Variants in NDST3 observed in about 807,000 individuals in gnomAD.
The protein encoded by NDST3 is N-deacetylase and N-sulfotransferase 3, also known as bifunctional heparan sulfate N-deacetylase/N-sulfotransferase 3.
In NDST3, 58 loss-of-function variants were observed where a neutral mutation model predicts 96.1. That is an observed-to-expected ratio of 0.60 (90% confidence interval 0.49 to 0.75). NDST3 has a LOEUF of 0.75. Among genes scored for constraint, NDST3 ranks in the 30% least tolerant of loss-of-function variants. The pLI is 0.00. For synonymous variants in NDST3, 333 were observed against 359.7 expected, an observed-to-expected ratio of 0.93 and a Z score of 0.84; for missense variants, 788 against 1,034.2, an observed-to-expected ratio of 0.76 and a Z score of 3.27.
intron 2 of NDST3, among the ~76,000 whole-genome samples, chr4:118,083,747 T>C (rs1363571102): frequency 6.6e-6 from 1 of 152,208 alleles, no homozygotes. Context: ...TCATAAAGAA[T>C]GCATTATTTT....
chr4:118,227,096 T>G, intron 8 of NDST3, 114 bp downstream of exon 8: 1 of 697,706 alleles, frequency 1.4e-6, no homozygotes, highest in Non-Finnish European at 2.5e-6. Flanking sequence ...ATGAATAACA[T>G]GTTTTTCTCT....
chr4:118,254,010 G>T lies in NDST3; in HGVS notation c.2502+409G>T, dbSNP rs181709137. Among the ~76,000 whole-genome samples, 369 of 152,260 alleles carry T rather than the reference G, an allele frequency of 2.4e-3. 3 individuals are homozygous for T. Among genetic ancestry groups the T allele is most frequent in the African/African-American group, 8.2e-3 (342 of 41,552 alleles). ...AATCTCAGCACTTTGGAAGGCCGACGTGGGTGGATCACTTGAGGTCAGGAG... is the reference window on the plus strand; with the variant it reads ...AATCTCAGCACTTTGGAAGGCCGACTTGGGTGGATCACTTGAGGTCAGGAG... On this transcript the variant is annotated intron_variant, in intron 13 of 13. Coordinates refer to ENST00000296499, the MANE Select transcript of NDST3 (RefSeq NM_004784.3).
At position 118,258,424 on chromosome 4, in the gene NDST3, C is replaced by T. The variant is rs1336274901; in HGVS notation, c.*2712C>T. On this transcript the variant is annotated 3_prime_UTR_variant, in exon 14 of 14. Coordinates refer to ENST00000296499, the MANE Select transcript of NDST3 (RefSeq NM_004784.3). ...TAAAACTAGCTTTGTATAGAATTCC[C>T]TTTTTCATTGTTTAAAATATGAAAC... is the stretch of plus-strand genomic sequence containing the variant. 1.3e-5 allele frequency: 2 copies of T among 152,126 alleles called. No homozygotes were observed. The highest frequency in any genetic ancestry group is 2.9e-5 in the Non-Finnish European group (2 of 68,012). 9.4% of individuals were successfully genotyped at this position (152,126 alleles called of 1,614,324 possible). A position where few individuals can be genotyped will look rare whatever the true frequency, so the allele number is the denominator to read the frequency against.
chr4:118,232,938 A>G, intron 8 of NDST3, 74 bp from the exon 9 acceptor site: 1 of 1,376,796 alleles, frequency 7.3e-7, no homozygotes, highest in Non-Finnish European at 1.0e-6. Context: ...ATATTTATTC[A>G]TGACTTTAAA....
chr4:118,053,957 T>C lies in NDST3; in HGVS notation c.47T>C (p.Ile16Thr), dbSNP rs751642050. Residue 16 changes from isoleucine to threonine, a missense_variant, in exon 2 of 14, where the codon ATT (isoleucine) becomes ACT (threonine). Physicochemically the swap from Ile to Thr is moderately conservative, Grantham distance 89. Around this residue, in one of 3 missense-constraint regions of NDST3, gnomAD observed 234 missense variants for 256.9 expected, o/e 0.91. Transcript: ENST00000296499. ...CACAGACACTTTCAAAGAACAGTCA[T>C]TCTGCTTGCCACTTTTTGTATGGTG... ...KLHRHFQRTV[I>T]LLATFCMVSI... The C allele has an allele frequency of 9.3e-6, 15 of 1,611,780 alleles. No individual in the cohort carries two copies. The Admixed American group carries it at 2.3e-4, about 25-fold the overall frequency.
At chr4:118,253,442 T>C (rs1001777107) in intron 12 of NDST3, 57 bp from the exon 13 acceptor site, 3 of 1,178,434 alleles carry the variant, frequency 2.5e-6, no homozygotes, top group East Asian at 2.3e-5. Flanking sequence ...CCATATCATA[T>C]AAATTGGTTG....
chr4:118,226,894 C>T lies in NDST3; in HGVS notation c.1731C>T (p.Cys577=), dbSNP rs780453299. The change falls in exon 8 of 14, where the codon TGC becomes TGT. Residue 577 remains cysteine (C), a synonymous_variant. Coordinates refer to ENST00000296499, the MANE Select transcript of NDST3 (RefSeq NM_004784.3). ...GTTCTTCTCCCATTTAGAATCCTTG[C>T]GATGACAAACGCCACAGAGACATTT... The part of the protein sequence containing the change: ...DQKDPLWQNP[C]DDKRHRDIWS... 37 of 1,609,184 alleles carry T rather than the reference C, an allele frequency of 2.3e-5. No individual in the cohort carries two copies. Among genetic ancestry groups the T allele is most frequent in the East Asian group, 1.3e-4 (6 of 44,824 alleles).
chr4:118,190,981 C>T lies in NDST3; in HGVS notation c.1540-33510C>T, dbSNP rs541848019. ...CACACAGACAGAAGCAGATTTTATA[C>T]CTTTCTTAAAGGATTCTCATTTGCC... On this transcript the variant is annotated intron_variant, in intron 6 of 13. Transcript: ENST00000296499. 3.9e-5 allele frequency among the ~76,000 whole-genome samples: 6 copies of T among 152,232 alleles called. No individual in the cohort carries two copies. In the South Asian group the frequency reaches 1.2e-3, roughly 32 times the overall value.
chr4:118,086,266 G>A (rs1015190297), intron 2 of NDST3, among the ~76,000 whole-genome samples: 3 of 152,062 alleles, frequency 2.0e-5, no homozygotes, highest in Non-Finnish European at 4.4e-5. Flanking sequence ...TTTATGAATC[G>A]TTTTGGAAAT....
intron 6 of NDST3, among the ~76,000 whole-genome samples, chr4:118,166,657 A>T (rs1233517736): frequency 1.3e-5 from 2 of 152,050 alleles, no homozygotes; most frequent in Non-Finnish European, 2.9e-5. Context: ...TCAAAAAAAT[A>T]GTGCAAACTA....
Position 118,160,566 on chromosome 4 carries a change from A to G in NDST3, c.1539+16882A>G, listed in dbSNP as rs188977757. 3.9e-5 allele frequency among the ~76,000 whole-genome samples: 6 copies of G among 152,348 alleles called. No homozygotes were observed. In the East Asian group the frequency reaches 1.2e-3, roughly 29 times the overall value. On this transcript the variant is annotated intron_variant, in intron 6 of 13. Coordinates refer to ENST00000296499, the MANE Select transcript of NDST3 (RefSeq NM_004784.3). ...CATGTGGCCAATAAGCATATTAAAA[A>G]AGCTCAGTATCACTGATCATTAGAA...
In NDST3 at chr4:118,138,043, C is replaced by A; in HGVS notation, c.1225-11C>A. Reference sequence around the variant, plus strand: ...CTTTACACGCTCCAATTAACATTTGCTTGGTCTTAGGAGCACGGCATTCCA... The same window carrying A: ...CTTTACACGCTCCAATTAACATTTGATTGGTCTTAGGAGCACGGCATTCCA... On this transcript the variant is annotated splice_polypyrimidine_tract_variant and intron_variant, in intron 4 of 13. Coordinates refer to ENST00000296499, the MANE Select transcript of NDST3 (RefSeq NM_004784.3). 6.4e-7 allele frequency: 1 copy of A among 1,567,548 alleles called. No individual in the cohort carries two copies. Among genetic ancestry groups the A allele is most frequent in the Non-Finnish European group, 8.6e-7 (1 of 1,159,106 alleles).
chr4:118,192,186 T>A (rs921876149), intron 6 of NDST3, among the ~76,000 whole-genome samples: 38 of 152,210 alleles, frequency 2.5e-4, no homozygotes, highest in African/African-American at 8.7e-4. Flanking sequence ...CGCTTATTAA[T>A]CCCTTGTCAG....
At chr4:118,071,361 G>A (rs958950828) in intron 2 of NDST3, among the ~76,000 whole-genome samples, 26 of 152,016 alleles carry the variant, frequency 1.7e-4, no homozygotes, top group African/African-American at 6.3e-4. Context: ...TCACCACTCA[G>A]GAAATAAGCA....
At chr4:118,120,359 C>G (rs769963069) in intron 4 of NDST3, among the ~76,000 whole-genome samples, 1 of 151,968 alleles carries the variant, frequency 6.6e-6, no homozygotes, top group African/African-American at 2.4e-5. Flanking sequence ...TGGGCAAGAG[C>G]CTTTACTGTG....
intron 6 of NDST3, among the ~76,000 whole-genome samples, chr4:118,162,548 T>C (rs1207656357): frequency 2.7e-4 from 41 of 151,766 alleles, no homozygotes; most frequent in African/African-American, 9.9e-4. Context: ...GCTAGCCATA[T>C]GTAGAAAGCT....
rs544859975 is a variant in NDST3, at chr4:118,209,646, T to C, written c.1540-14845T>C. Among the ~76,000 whole-genome samples, 3 of 152,290 alleles carry C rather than the reference T, an allele frequency of 2.0e-5. No homozygotes were observed. The East Asian group carries it at 5.8e-4, about 29-fold the overall frequency. On this transcript the variant is annotated intron_variant, in intron 6 of 13. Transcript: ENST00000296499. Reference sequence around the variant, plus strand: ...AGAAAAATTATGTGAGAGACATAAATGTTATAAAAAAGACAAACTGCTCCA... The same window carrying C: ...AGAAAAATTATGTGAGAGACATAAACGTTATAAAAAAGACAAACTGCTCCA...
At chr4:118,093,633 G>T (rs1469451576) in intron 2 of NDST3, among the ~76,000 whole-genome samples, 1 of 151,708 alleles carries the variant, frequency 6.6e-6, no homozygotes, top group East Asian at 1.9e-4. Context: ...TTCGCAATCA[G>T]TTTATGTATA....
intron 6 of NDST3, among the ~76,000 whole-genome samples, chr4:118,198,466 G>A (rs1329233243): frequency 5.3e-5 from 8 of 152,038 alleles, no homozygotes; most frequent in Non-Finnish European, 7.4e-5. Flanking sequence ...CATTAACTTT[G>A]TGCCCCTGCT....
Sources: gnomAD v4.1 joint callset for allele counts (sites outside exome capture counted in the v4.1 genomes callset) on GRCh38, gnomAD v4.1.1 for gene constraint, gnomAD v4.1.1 regional missense constraint, MANE v1.5 for transcripts, NCBI Gene and HGNC (gene_info 2026-07-23, HGNC 2026-07-21) for gene names.